HMGN3: variants seen among roughly 807,000 people sequenced by gnomAD.
HMGN3 encodes the protein high mobility group nucleosomal binding domain 3.
HMGN3 carries 6 observed loss-of-function variants against 18.8 expected under a neutral mutation model. The observed-to-expected ratio is 0.32, with a 90% CI of 0.18 to 0.63. HMGN3 has a LOEUF of 0.63. Ranked by LOEUF, HMGN3 falls within the 30% of genes least tolerant of loss-of-function variation. HMGN3 has a pLI of 0.79. For missense variants in HMGN3, 107 were observed against 114.2 expected, an observed-to-expected ratio of 0.94 and a Z score of 0.29; for synonymous variants, 40 against 36.5, an observed-to-expected ratio of 1.10 and a Z score of -0.35.
rs1012909367 is a variant in HMGN3 at position 79,217,849 on chromosome 6, G to A, written c.16-2827C>T. Among the ~76,000 whole-genome samples, 10 of 152,214 alleles carry A rather than the reference G, an allele frequency of 6.6e-5. No homozygotes were observed. The East Asian group carries it at 1.7e-3, about 26-fold the overall frequency. ...ATAGAAAGGAGGGAAACAAAAGGCT[G>A]GGGGTGGATATAGGGGATCTCAGAT... On this transcript the variant is annotated intron_variant, in intron 1 of 5. Transcript: ENST00000344726.
intron 2 of HMGN3, among the ~76,000 whole-genome samples, chr6:79,211,011 C>CAAAAAAAAAAAA (rs59749044): frequency 2.2e-5 from 2 of 89,744 alleles, no homozygotes; most frequent in African/African-American, 8.4e-5. Context: ...GAAATTAATG[C>CAAAAAAAAAAAA]AAAAAAAAAA....
At chr6:79,201,837 T>C (rs1323772965) in intron 5 of HMGN3, 111 bp from the exon 7 acceptor site, 2 of 1,486,348 alleles carry the variant, frequency 1.3e-6, no homozygotes, top group Non-Finnish European at 1.8e-6. Flanking sequence ...TTCTTTTTTT[T>C]TTCCAGCTTT....
chr6:79,217,767 G>A (rs576927584), intron 1 of HMGN3, among the ~76,000 whole-genome samples: 54 of 152,298 alleles, frequency 3.5e-4, no homozygotes, highest in African/African-American at 1.3e-3. Flanking sequence ...ATGGTTTTAA[G>A]GGATTAAAAC....
intron 3 of HMGN3, among the ~76,000 whole-genome samples, chr6:79,204,442 A>G (rs78786101): frequency 0.021 from 3,130 of 152,284 alleles, 110 homozygotes; most frequent in African/African-American, 0.071. Context: ...AGCCCTGGCC[A>G]GCTTCCCAGG....
chr6:79,201,736 A>T lies in HMGN3; in HGVS notation c.262-10T>A. ...ATTCAGTTTTCTGTGCCTGTGAAAA[A>T]GAAAGGAAAAAAAAACATATAGTTA... On this transcript the variant is annotated splice_polypyrimidine_tract_variant and intron_variant, in intron 5 of 5. Transcript: ENST00000344726. The T allele has an allele frequency of 6.2e-7, 1 of 1,604,888 alleles. No individual in the cohort carries two copies. The highest frequency in any genetic ancestry group is 1.4e-5 in the African/African-American group (1 of 73,580).
intron 5 of HMGN3, 71 bp from the exon 7 acceptor site, chr6:79,201,797 C>T (rs1465793689): frequency 3.2e-5 from 50 of 1,562,014 alleles, no homozygotes; most frequent in Non-Finnish European, 4.1e-5. Context: ...AAATTCCACC[C>T]ACCAACACAC....
At chr6:79,202,188 A>G in intron 5 of HMGN3, 33 bp from the exon 6 acceptor site, 9 of 1,607,584 alleles carry the variant, frequency 5.6e-6, no homozygotes, top group Non-Finnish European at 7.6e-6. Context: ...AAAAAGAGAC[A>G]TTAAGAACGT....
intron 1 of HMGN3, among the ~76,000 whole-genome samples, chr6:79,230,983 A>G (rs1218655665): frequency 6.6e-6 from 1 of 152,216 alleles, no homozygotes; most frequent in Non-Finnish European, 1.5e-5. Flanking sequence ...TTAAGGAAAC[A>G]GATAAAAACC....
At chr6:79,202,745 A>G (rs966617329) in intron 4 of HMGN3, among the ~76,000 whole-genome samples, 5 of 152,152 alleles carry the variant, frequency 3.3e-5, no homozygotes, top group Non-Finnish European at 7.4e-5. Context: ...GAGGAAGCAG[A>G]GCTGGGGAAG....
chr6:79,215,180 A>G (rs372798389), intron 1 of HMGN3, among the ~76,000 whole-genome samples, 158 bp from the exon 2 acceptor site: 2 of 152,248 alleles, frequency 1.3e-5, no homozygotes, highest in African/African-American at 4.8e-5. Flanking sequence ...TTACACACCT[A>G]CGTGCATGCA....
chr6:79,233,554 A>C (rs913036612), intron 1 of HMGN3, among the ~76,000 whole-genome samples: 5 of 152,210 alleles, frequency 3.3e-5, no homozygotes, highest in Non-Finnish European at 4.4e-5. Flanking sequence ...GGTGCAAAGC[A>C]CTTGCTTAGG....
chr6:79,231,338 CTCAT>C (rs1470878884), intron 1 of HMGN3, among the ~76,000 whole-genome samples: 1 of 152,158 alleles, frequency 6.6e-6, no homozygotes, highest in African/African-American at 2.4e-5. Flanking sequence ...AACTCAATCA[CTCAT>C]TGTCTCACCA....
intron 3 of HMGN3, 32 bp from the exon 4 acceptor site, chr6:79,203,662 GAAAA>G (rs67281239): frequency 1.0e-5 from 11 of 1,059,062 alleles, no homozygotes; most frequent in African/African-American, 1.6e-5. Context: ...CACAAATACT[GAAAA>G]AAAAAAAAAA....
intron 1 of HMGN3, among the ~76,000 whole-genome samples, chr6:79,226,021 A>G (rs1183417189): frequency 6.6e-6 from 1 of 152,218 alleles, no homozygotes; most frequent in Non-Finnish European, 1.5e-5. Flanking sequence ...TTCATTAGGC[A>G]CTGTAGTTAA....
At chr6:79,229,509 A>T (rs1426626412) in intron 1 of HMGN3, among the ~76,000 whole-genome samples, 1 of 152,222 alleles carries the variant, frequency 6.6e-6, no homozygotes, top group African/African-American at 2.4e-5. Context: ...AAAATCAACA[A>T]TACCAAGTAT....
rs75265113 is a variant in HMGN3 at position 79,206,692 on chromosome 6, T to G, written c.96+1855A>C. 5.0e-3 allele frequency among the ~76,000 whole-genome samples: 763 copies of G among 152,292 alleles called. 10 individuals are homozygous for G. Among genetic ancestry groups the G allele is most frequent in the African/African-American group, 0.017 (717 of 41,578 alleles). On this transcript the variant is annotated intron_variant, in intron 3 of 5. Transcript: ENST00000344726. ...ACAGAGTCCCTACTGGGGAACTGCCTAGTGGAGCTGTGAGAAGAGGGCCAC... is the reference window on the plus strand; with the variant it reads ...ACAGAGTCCCTACTGGGGAACTGCCGAGTGGAGCTGTGAGAAGAGGGCCAC...
chr6:79,205,564 C>G (rs929774556), intron 3 of HMGN3, among the ~76,000 whole-genome samples: 7 of 152,198 alleles, frequency 4.6e-5, no homozygotes, highest in African/African-American at 1.7e-4. Context: ...AACTGTAAGT[C>G]CAATTAAACC....
chr6:79,225,951 A>C (rs1777544805), intron 1 of HMGN3, among the ~76,000 whole-genome samples: 2 of 152,212 alleles, frequency 1.3e-5, no homozygotes, highest in East Asian at 3.9e-4. Context: ...TATTGTAATA[A>C]AGATATTTTA....
At chr6:79,232,018 T>C (rs1475384874) in intron 1 of HMGN3, among the ~76,000 whole-genome samples, 1 of 152,204 alleles carries the variant, frequency 6.6e-6, no homozygotes, top group Non-Finnish European at 1.5e-5. Context: ...ACTCAGATGT[T>C]CATTAAATAA....
Sources: gnomAD v4.1 joint callset for allele counts (sites outside exome capture counted in the v4.1 genomes callset) on GRCh38, gnomAD v4.1.1 for gene constraint, MANE v1.5 for transcripts, NCBI Gene and HGNC (gene_info 2026-07-23, HGNC 2026-07-21) for gene names.